Variants in RYR3 observed in about 807,000 individuals in gnomAD.
RYR3 encodes the protein ryanodine receptor 3.
In RYR3, 207 loss-of-function variants were observed where a neutral mutation model predicts 584.3. That is an observed-to-expected ratio of 0.35 (90% confidence interval 0.32 to 0.40). The LOEUF (loss-of-function observed/expected upper bound fraction) is 0.40, where lower values mean the gene tolerates loss of function less well. RYR3 is among the 10% of genes least tolerant of loss of function. The probability of loss-of-function intolerance (pLI) is 1.00; values close to 1 mark genes in which losing one functional copy is unlikely to be tolerated. For missense variants in RYR3, 5,616 were observed against 6,089.2 expected (o/e 0.92, Z 2.59); for synonymous variants, 2,416 against 2,248.5 (o/e 1.07, Z -2.11).
chr15:33,831,201 C>A, intron 86 of RYR3, 110 bp downstream of exon 86: 1 of 987,826 alleles, frequency 1.0e-6, no homozygotes, highest in Non-Finnish European at 1.4e-6. Flanking sequence ...ATCCATCCAG[C>A]CCTAATGCTG....
intron 2 of RYR3, among the ~76,000 whole-genome samples, chr15:33,491,653 T>C (rs979421306): frequency 6.6e-6 from 1 of 152,192 alleles, no homozygotes; most frequent in Admixed American, 6.5e-5. Flanking sequence ...CCTGTCTTCA[T>C]TGTTGATGCA....
At chr15:33,789,986 C>CTTTTTTTTTTTTTTTTTTTTTTTTTTTTT (rs757370991) in intron 67 of RYR3, among the ~76,000 whole-genome samples, 1 of 53,250 alleles carries the variant, frequency 1.9e-5, no homozygotes, top group African/African-American at 1.1e-4. Context: ...GCCTGGCCTT[C>CTTTTTTTTTTTTTTTTTTTTTTTTTTTTT]TTTTTTTTTT....
intron 1 of RYR3, among the ~76,000 whole-genome samples, chr15:33,455,360 G>A (rs976100181): frequency 6.6e-6 from 1 of 152,098 alleles, no homozygotes; most frequent in African/African-American, 2.4e-5. Context: ...AAAGAGATTT[G>A]AGTTAATCGT....
intron 1 of RYR3, among the ~76,000 whole-genome samples, chr15:33,341,164 G>T (rs964478113): frequency 6.6e-6 from 1 of 152,056 alleles, no homozygotes; most frequent in Non-Finnish European, 1.5e-5. Flanking sequence ...TCAGCCTCCC[G>T]AGTAGCTGGG....
At chr15:33,776,650 G>C (rs541881731) in intron 64 of RYR3, among the ~76,000 whole-genome samples, 21 of 152,240 alleles carry the variant, frequency 1.4e-4, no homozygotes, top group Admixed American at 1.2e-3. Flanking sequence ...TGTCCCCACT[G>C]TGCTTTCTGC....
intron 2 of RYR3, 58 bp from the exon 3 acceptor site, chr15:33,503,573 C>T (rs939833240): frequency 9.0e-6 from 9 of 998,144 alleles, no homozygotes; most frequent in Non-Finnish European, 1.4e-5. Context: ...GATGTTGTTG[C>T]GTGACTGATC....
chr15:33,715,122 A>G (rs1206489288), intron 43 of RYR3, among the ~76,000 whole-genome samples: 1 of 152,226 alleles, frequency 6.6e-6, no homozygotes, highest in Non-Finnish European at 1.5e-5. Context: ...GTGCTGGGAG[A>G]CATACATCTT....
At chr15:33,730,498 A>C (rs2068858124) in intron 47 of RYR3, among the ~76,000 whole-genome samples, 1 of 152,236 alleles carries the variant, frequency 6.6e-6, no homozygotes. Context: ...TGATTACTGA[A>C]GTTTCTAGGA....
At chr15:33,661,280 T>G (rs1364070553) in intron 34 of RYR3, among the ~76,000 whole-genome samples, 1 of 152,144 alleles carries the variant, frequency 6.6e-6, no homozygotes, top group Non-Finnish European at 1.5e-5. Flanking sequence ...GGGAGCAACA[T>G]ACAAACAGAC....
chr15:33,794,927 A>G (rs894598748), intron 67 of RYR3, among the ~76,000 whole-genome samples: 4 of 152,166 alleles, frequency 2.6e-5, no homozygotes, highest in Non-Finnish European at 5.9e-5. Flanking sequence ...GGTTATTGGG[A>G]AAAGTGGGGA....
chr15:33,544,468 C>A (rs989060367), intron 8 of RYR3, among the ~76,000 whole-genome samples: 2 of 152,078 alleles, frequency 1.3e-5, no homozygotes, highest in African/African-American at 4.8e-5. Flanking sequence ...AACTGCATTT[C>A]TTTTGCTTCA....
chr15:33,355,496 T>G (rs1973848866), intron 1 of RYR3, among the ~76,000 whole-genome samples: 1 of 152,190 alleles, frequency 6.6e-6, no homozygotes, highest in African/African-American at 2.4e-5. Context: ...CTTTAAGGTG[T>G]TTGTGAAAGC....
At chr15:33,525,826 T>C (rs74400668) in intron 3 of RYR3, among the ~76,000 whole-genome samples, 3,885 of 152,344 alleles carry the variant, frequency 0.026, 64 homozygotes, top group Non-Finnish European at 0.04. Context: ...AAAAGGGCTC[T>C]AGCCTGTTCA....
At chr15:33,387,563 A>G (rs2041692606) in intron 1 of RYR3, among the ~76,000 whole-genome samples, 1 of 152,048 alleles carries the variant, frequency 6.6e-6, no homozygotes. Flanking sequence ...TTGTTGCTTG[A>G]TCCTTAAATA....
intron 8 of RYR3, among the ~76,000 whole-genome samples, chr15:33,544,762 A>G (rs2056110462): frequency 6.6e-6 from 1 of 152,180 alleles, no homozygotes; most frequent in Admixed American, 6.5e-5. Flanking sequence ...TTTCATAGGA[A>G]CCAGATGTGA....
intron 12 of RYR3, among the ~76,000 whole-genome samples, chr15:33,578,098 A>G (rs1200002773): frequency 6.6e-6 from 1 of 152,200 alleles, no homozygotes; most frequent in Non-Finnish European, 1.5e-5. Context: ...AGTATTAAAA[A>G]GTCAAACAAC....
At chr15:33,722,419 C>T in intron 43 of RYR3, 1 of 414,238 alleles carries the variant, frequency 2.4e-6, no homozygotes, top group Non-Finnish European at 4.3e-6. Flanking sequence ...TTTAAACAAA[C>T]AGATCCTGAC....
chr15:33,628,534 T>G lies in RYR3; in HGVS notation c.2638T>G (p.Trp880Gly). 1.2e-6 allele frequency: 2 copies of G among 1,613,728 alleles called. No homozygotes were observed. The highest frequency in any genetic ancestry group is 1.7e-6 in the Non-Finnish European group (2 of 1,179,684). ...DRLAENIHEL[W>G]GMNKIELGWT... ...ACTAGCTGAAAACATCCATGAGCTT[T>G]GGGGAATGAATAAAATAGAACTTGG... The change falls in exon 21 of 104, where the codon TGG becomes GGG. Residue 880 changes from tryptophan (W) to glycine (G), a missense_variant. Transcript: ENST00000634891.
At position 33,773,589 on chromosome 15, in the gene RYR3, G is replaced by A. The variant is rs2152891268; in HGVS notation, c.9111G>A (p.Gly3037=). ...YHILCSLYSL[G]TGKNIYVERQ... is the part of the protein sequence containing the mutation. ...TACTGTGCAGCCTCTACTCCCTTGG[G>A]ACGGGAAAGAACATTTATGTTGAAA... is the stretch of plus-strand genomic sequence containing the variant. Residue 3037 remains glycine (G), a synonymous_variant, in exon 64 of 104, where the codon GGG becomes GGA. Coordinates refer to ENST00000634891, the MANE Select transcript of RYR3 (RefSeq NM_001036.6). 6.2e-7 allele frequency: 1 copy of A among 1,607,980 alleles called. No homozygotes were observed. Among genetic ancestry groups the A allele is most frequent in the East Asian group, 2.2e-5 (1 of 44,802 alleles).
Sources: allele counts gnomAD v4.1 joint callset (sites outside exome capture counted in the v4.1 genomes callset), GRCh38; gene constraint gnomAD v4.1.1; transcripts MANE v1.5; gene names NCBI Gene and HGNC (gene_info 2026-07-23, HGNC 2026-07-21).